Variants in ATF7IP2 observed in about 807,000 individuals in gnomAD.
ATF7IP2 encodes the protein activating transcription factor 7-interacting protein 2.
ATF7IP2 carries 42 observed loss-of-function variants against 64.2 expected under a neutral mutation model. The ratio of observed to expected loss-of-function variants is 0.65; its 90% CI spans 0.51 to 0.85. The LOEUF (loss-of-function observed/expected upper bound fraction) is 0.85, where lower values mean the gene tolerates loss of function less well. Among genes scored for constraint, ATF7IP2 ranks in the 40% least tolerant of loss-of-function variants. The probability of loss-of-function intolerance (pLI) is 0.00; values close to 1 mark genes in which losing one functional copy is unlikely to be tolerated. For synonymous variants in ATF7IP2, 308 were observed against 272.8 expected, an observed-to-expected ratio of 1.13 and a Z score of -1.27; for missense variants, 933 against 784.2, an observed-to-expected ratio of 1.19 and a Z score of -2.27.
chr16:10,457,705 T>G (rs74636664), intron 9 of ATF7IP2, 176 bp downstream of exon 9: 2 of 462,256 alleles, frequency 4.3e-6, no homozygotes, highest in Non-Finnish European at 7.2e-6. Context: ...TTTTGGTTTT[T>G]GGGTTTTCTG....
At chr16:10,481,247 T>C (rs1048391384) in intron 13 of ATF7IP2, among the ~76,000 whole-genome samples, 1 of 152,242 alleles carries the variant, frequency 6.6e-6, no homozygotes, top group African/African-American at 2.4e-5. Flanking sequence ...CTGTCACTTT[T>C]TGAGACCGAA....
intron 1 of ATF7IP2, among the ~76,000 whole-genome samples, chr16:10,396,368 G>A (rs573959355): frequency 6.6e-6 from 1 of 152,172 alleles, no homozygotes; most frequent in East Asian, 1.9e-4. Flanking sequence ...CTGTACAGAA[G>A]TTTTTAAGTT....
At chr16:10,433,491 A>T (rs755402494) in intron 5 of ATF7IP2, 34 bp from the exon 6 acceptor site, 2 of 1,587,640 alleles carry the variant, frequency 1.3e-6, no homozygotes, top group East Asian at 2.2e-5. Flanking sequence ...TTTCTTTAAA[A>T]TATCTTTCTT....
intron 1 of ATF7IP2, among the ~76,000 whole-genome samples, chr16:10,403,057 G>C (rs530037137): frequency 6.6e-6 from 1 of 152,236 alleles, no homozygotes; most frequent in East Asian, 1.9e-4. Context: ...TCCAATATTT[G>C]ATTTTTCTGT....
chr16:10,479,788 A>C (rs147698166), intron 12 of ATF7IP2, among the ~76,000 whole-genome samples: 81 of 152,188 alleles, frequency 5.3e-4, no homozygotes, highest in South Asian at 3.3e-3. Flanking sequence ...CCACAATGAG[A>C]TACCATCTCA....
chr16:10,386,309 G>T (rs974224461), intron 1 of ATF7IP2, 187 bp downstream of exon 1: 2 of 152,274 alleles, frequency 1.3e-5, no homozygotes, highest in Non-Finnish European at 2.9e-5. Flanking sequence ...CCGGGAAGAG[G>T]CCCCTGAGGG....
chr16:10,468,395 A>G (rs925027350), intron 9 of ATF7IP2, among the ~76,000 whole-genome samples: 5 of 152,174 alleles, frequency 3.3e-5, no homozygotes, highest in African/African-American at 7.2e-5. Context: ...AGGAACTGAC[A>G]TTTTGCTATA....
intron 3 of ATF7IP2, among the ~76,000 whole-genome samples, chr16:10,422,554 G>T (rs1228571318): frequency 6.6e-6 from 1 of 152,146 alleles, no homozygotes; most frequent in Non-Finnish European, 1.5e-5. Context: ...TAACTATTTT[G>T]ATATACTTCA....
rs1245243990 is a variant in ATF7IP2, at chr16:10,393,020, A to C, written c.-242+6898A>C. The stretch of plus-strand genomic sequence containing the variant: ...AAGAAAAATGAAGTTTTAAAAATGA[A>C]ACCATTAGGCCAGGTGCGATGGCTC... On this transcript the variant is annotated intron_variant, in intron 1 of 13. Coordinates refer to ENST00000562102, the MANE Select transcript of ATF7IP2 (RefSeq NM_001393719.1). Among the ~76,000 whole-genome samples, 12 of 151,916 alleles carry C rather than the reference A, an allele frequency of 7.9e-5. No individual in the cohort carries two copies. The East Asian group carries it at 2.3e-3, about 29-fold the overall frequency.
chr16:10,398,066 A>G (rs1379238951), intron 1 of ATF7IP2, among the ~76,000 whole-genome samples: 4 of 151,912 alleles, frequency 2.6e-5, no homozygotes, highest in Non-Finnish European at 5.9e-5. Context: ...GCACTTTGGG[A>G]GGCTGAGGCG....
At chr16:10,430,203 T>C (rs2048198805) in intron 4 of ATF7IP2, among the ~76,000 whole-genome samples, 1 of 152,194 alleles carries the variant, frequency 6.6e-6, no homozygotes, top group South Asian at 2.1e-4. Context: ...CAGATGCCAT[T>C]ATGTATAGAA....
At chr16:10,401,191 G>A (rs2047526352) in intron 1 of ATF7IP2, among the ~76,000 whole-genome samples, 2 of 151,928 alleles carry the variant, frequency 1.3e-5, no homozygotes, top group Non-Finnish European at 2.9e-5. Context: ...TTTTGAGATG[G>A]AGTTTTGTTC....
intron 8 of ATF7IP2, chr16:10,454,311 G>A (rs1322267118): frequency 6.7e-6 from 1 of 149,368 alleles, no homozygotes; most frequent in East Asian, 2.0e-4. Flanking sequence ...TTGGAAGGCT[G>A]AGGCAGGAGA....
At chr16:10,465,257 G>A (rs895305779) in intron 9 of ATF7IP2, among the ~76,000 whole-genome samples, 1 of 152,158 alleles carries the variant, frequency 6.6e-6, no homozygotes, top group Non-Finnish European at 1.5e-5. Context: ...GCTGGATTTG[G>A]ATCTAAACAT....
At chr16:10,408,689 G>A (rs2047691060) in intron 1 of ATF7IP2, among the ~76,000 whole-genome samples, 1 of 151,826 alleles carries the variant, frequency 6.6e-6, no homozygotes, top group African/African-American at 2.4e-5. Flanking sequence ...GGGATTATTT[G>A]TTTTTTTTCT....
intron 12 of ATF7IP2, among the ~76,000 whole-genome samples, chr16:10,480,183 T>A (rs745775389): frequency 1.3e-5 from 2 of 151,686 alleles, no homozygotes; most frequent in Non-Finnish European, 2.9e-5. Flanking sequence ...GACAGCATTC[T>A]ACCATGTTGC....
chr16:10,472,725 AG>A (rs1261787053), intron 10 of ATF7IP2, among the ~76,000 whole-genome samples: 1 of 151,944 alleles, frequency 6.6e-6, no homozygotes, highest in Non-Finnish European at 1.5e-5. Context: ...GCATGGTGGC[AG>A]GTGCCTGTAA....
At chr16:10,412,002 C>CTTTTTTT (rs1266034395) in intron 1 of ATF7IP2, among the ~76,000 whole-genome samples, 1 of 13,410 alleles carries the variant, frequency 7.5e-5, no homozygotes, top group Non-Finnish European at 1.5e-4. Flanking sequence ...TTTCATTTAT[C>CTTTTTTT]TTTTTTTGTT....
At chr16:10,471,501 C>A (rs1429582321) in intron 9 of ATF7IP2, among the ~76,000 whole-genome samples, 1 of 152,022 alleles carries the variant, frequency 6.6e-6, no homozygotes, top group Non-Finnish European at 1.5e-5. Context: ...GCACTTCAGC[C>A]TGGGGGACAA....
Sources: allele counts gnomAD v4.1 joint callset (sites outside exome capture counted in the v4.1 genomes callset), GRCh38; gene constraint gnomAD v4.1.1; transcripts MANE v1.5; gene names NCBI Gene and HGNC (gene_info 2026-07-23, HGNC 2026-07-21).